The following AP3S1 variants were observed in gnomAD, a reference collection of about 807,000 sequenced individuals.
AP3S1 encodes AP-3 complex subunit sigma-1.
AP3S1 carries 12 observed loss-of-function variants against 21.3 expected under a neutral mutation model. The observed-to-expected ratio is 0.56, with a 90% CI of 0.36 to 0.91. The LOEUF (loss-of-function observed/expected upper bound fraction) is 0.91. Ranked by LOEUF, AP3S1 falls within the 40% of genes least tolerant of loss-of-function variation. The probability of loss-of-function intolerance (pLI) is 0.01; values close to 1 mark genes in which losing one functional copy is unlikely to be tolerated. For missense variants in AP3S1, 116 were observed against 225.0 expected (o/e 0.52, Z 3.10); for synonymous variants, 48 against 78.4 (o/e 0.61, Z 2.05).
chr5:115,907,038 T>C (rs1411599308), intron 5 of AP3S1: 1 of 951,584 alleles, frequency 1.1e-6, no homozygotes, highest in African/African-American at 1.8e-5. Flanking sequence ...TTATTGGACT[T>C]AGTGTATTTT....
In AP3S1 at chr5:115,866,628, C is replaced by T. The variant is rs745653660; in HGVS notation, c.70-42C>T. On this transcript the variant is annotated intron_variant, in intron 1 of 5. Transcript: ENST00000316788. ...AAAAATTCTTAAAATGCTATTAAAC[C>T]TATACACTCCATCCTAATATATATG... 1.5e-6 allele frequency: 2 copies of T among 1,378,400 alleles called. 1 individual carries two copies. The highest frequency in any genetic ancestry group is 2.8e-5 in the South Asian group (2 of 72,048). The allele number at this position is 1,378,400 out of a possible 1,614,324, so 85.4% of individuals were successfully genotyped here. A position where few individuals can be genotyped will look rare whatever the true frequency, so the allele number is the denominator to read the frequency against.
At chr5:115,875,421 A>G (rs1561496699) in intron 3 of AP3S1, among the ~76,000 whole-genome samples, 1 of 152,208 alleles carries the variant, frequency 6.6e-6, no homozygotes, top group Non-Finnish European at 1.5e-5. Context: ...GTTCTCATCT[A>G]TCATGATGGT....
intron 1 of AP3S1, among the ~76,000 whole-genome samples, chr5:115,842,992 A>AG (rs34509794): frequency 0.44 from 67,353 of 151,982 alleles, 15,545 homozygotes; most frequent in African/African-American, 0.57. Flanking sequence ...CTTCTCTTTT[A>AG]ACGTGTAAAT....
chr5:115,876,170 T>C (rs2112857018), intron 3 of AP3S1, among the ~76,000 whole-genome samples: 1 of 152,294 alleles, frequency 6.6e-6, no homozygotes, highest in South Asian at 2.1e-4. Context: ...GTTTTCTTTT[T>C]TGTAAGTGCT....
At chr5:115,902,010 A>G (rs1561524383) in intron 4 of AP3S1, among the ~76,000 whole-genome samples, 1 of 152,196 alleles carries the variant, frequency 6.6e-6, no homozygotes, top group South Asian at 2.1e-4. Flanking sequence ...TGGTAATCCT[A>G]TGAGGTGCCT....
At position 115,841,955 on chromosome 5, in the gene AP3S1, T is replaced by G; in HGVS notation, c.-83T>G. The G allele has an allele frequency of 9.8e-6, 15 of 1,530,948 alleles. No homozygotes were observed. The highest frequency in any genetic ancestry group is 1.2e-5 in the Non-Finnish European group (14 of 1,137,436). 94.8% of individuals were successfully genotyped at this position (1,530,948 alleles called of 1,614,324 possible). ...GCGGGAGGGGGCGGGTGGGGAAGGATCGCAGGCGAGATTACGAGGCGAGGC... is the reference window on the plus strand; with the variant it reads ...GCGGGAGGGGGCGGGTGGGGAAGGAGCGCAGGCGAGATTACGAGGCGAGGC... On this transcript the variant is annotated 5_prime_UTR_variant, in exon 1 of 6. Coordinates refer to ENST00000316788, the MANE Select transcript of AP3S1 (RefSeq NM_001284.4).
chr5:115,913,298 G>A, intron 5 of AP3S1, 64 bp from the exon 6 acceptor site: 5 of 1,508,818 alleles, frequency 3.3e-6, no homozygotes, highest in Non-Finnish European at 4.4e-6. Flanking sequence ...CATTGTAAGT[G>A]TTTTATGATG....
chr5:115,842,192 C>G, intron 1 of AP3S1, 86 bp downstream of exon 1: 1 of 1,472,990 alleles, frequency 6.8e-7, no homozygotes, highest in Non-Finnish European at 9.0e-7. Flanking sequence ...GAGCGACCCC[C>G]TCCGGCGCGC....
chr5:115,841,971 G>GAGATTACGAGGCAGGC lies in AP3S1; in HGVS notation c.-65_-64insATTACGAGGCAGGCAG. 7.2e-7 allele frequency: 1 copy of GAGATTACGAGGCAGGC among 1,394,396 alleles called. No homozygotes were observed. Among genetic ancestry groups the GAGATTACGAGGCAGGC allele is most frequent in the Non-Finnish European group, 9.4e-7 (1 of 1,064,922 alleles). The allele number at this position is 1,394,396 out of a possible 1,614,324, so 86.4% of individuals were successfully genotyped here. A position where few individuals can be genotyped will look rare whatever the true frequency, so the allele number is the denominator to read the frequency against. ...GGGGAAGGATCGCAGGCGAGATTAC[G>GAGATTACGAGGCAGGC]AGGCGAGGCTCGCGCGCCCGCCCCC... is the stretch of plus-strand genomic sequence containing the variant. On this transcript the variant is annotated 5_prime_UTR_variant, in exon 1 of 6. Coordinates refer to ENST00000316788, the MANE Select transcript of AP3S1 (RefSeq NM_001284.4).
intron 4 of AP3S1, among the ~76,000 whole-genome samples, chr5:115,897,233 A>G (rs1750826805): frequency 6.6e-6 from 1 of 152,218 alleles, no homozygotes; most frequent in Admixed American, 6.5e-5. Context: ...AGATGGGATC[A>G]TACAATATGT....
chr5:115,864,630 A>G (rs1440650370), intron 1 of AP3S1, among the ~76,000 whole-genome samples: 1 of 152,234 alleles, frequency 6.6e-6, no homozygotes, highest in Non-Finnish European at 1.5e-5. Flanking sequence ...CCGTGTCTAT[A>G]TGTTGAGCAT....
At chr5:115,898,032 C>G (rs2112556542) in intron 4 of AP3S1, among the ~76,000 whole-genome samples, 1 of 152,208 alleles carries the variant, frequency 6.6e-6, no homozygotes, top group Middle Eastern at 3.4e-3. Context: ...GAAATGTTAG[C>G]CACTTAAAAC....
At chr5:115,886,107 CT>C (rs1328417992) in intron 3 of AP3S1, among the ~76,000 whole-genome samples, 2 of 152,050 alleles carry the variant, frequency 1.3e-5, no homozygotes, top group African/African-American at 2.4e-5. Context: ...AGTGGTTAAC[CT>C]TTTGCTTTAG....
rs1275460466 is a variant in AP3S1 at position 115,847,763 on chromosome 5, T to A, written c.69+5657T>A. 3.0e-4 allele frequency among the ~76,000 whole-genome samples: 45 copies of A among 152,216 alleles called. 1 individual carries two copies. Among genetic ancestry groups the A allele is most frequent in the Admixed American group, 2.9e-3 (45 of 15,280 alleles). ...TAACTAACATGTCTATCACCACTATTCCCTCTTTATTAGCTTTTAATATAT... is the reference window on the plus strand; with the variant it reads ...TAACTAACATGTCTATCACCACTATACCCTCTTTATTAGCTTTTAATATAT... On this transcript the variant is annotated intron_variant, in intron 1 of 5. Coordinates refer to ENST00000316788, the MANE Select transcript of AP3S1 (RefSeq NM_001284.4).
rs772141781 is a variant in AP3S1 at position 115,877,717 on chromosome 5, G to C, written c.273+7589G>C. The stretch of plus-strand genomic sequence containing the variant: ...TCGTAATCCTTTGGGTATATACCCA[G>C]TAATGGGGTTGCTAGGTCAAATGGT... On this transcript the variant is annotated intron_variant, in intron 3 of 5. Transcript: ENST00000316788. Among the ~76,000 whole-genome samples the C allele has an allele frequency of 5.3e-5, 8 of 152,224 alleles. No homozygotes were observed. In the East Asian group the frequency reaches 1.5e-3, roughly 29 times the overall value.
intron 4 of AP3S1, among the ~76,000 whole-genome samples, chr5:115,902,166 T>G (rs1751273747): frequency 1.3e-5 from 2 of 152,174 alleles, no homozygotes; most frequent in Admixed American, 1.3e-4. Context: ...TACCACATTA[T>G]TTTAAAAAAA....
intron 4 of AP3S1, among the ~76,000 whole-genome samples, chr5:115,897,784 G>A (rs544198124): frequency 1.6e-4 from 24 of 151,906 alleles, no homozygotes; most frequent in African/African-American, 5.6e-4. Flanking sequence ...GGATGGTCTC[G>A]ATCTCCTGAC....
chr5:115,851,203 G>A (rs1762415448), intron 1 of AP3S1, among the ~76,000 whole-genome samples: 1 of 152,044 alleles, frequency 6.6e-6, no homozygotes, highest in African/African-American at 2.4e-5. Flanking sequence ...TTTCTTTCTT[G>A]ATGCCGTATT....
In AP3S1 at chr5:115,870,354, T is replaced by C. The variant is rs191401076; in HGVS notation, c.273+226T>C. 1.6e-3 allele frequency among the ~76,000 whole-genome samples: 249 copies of C among 152,332 alleles called. 1 individual carries two copies. Among genetic ancestry groups the C allele is most frequent in the South Asian group, 0.011 (51 of 4,834 alleles). ...ATCATGACATTTTATCTTGCTCATG[T>C]AAGTTACAGCAAGGAGCTTAAGACT... On this transcript the variant is annotated intron_variant, in intron 3 of 5. Transcript: ENST00000316788.
Sources: gnomAD v4.1 joint callset for allele counts (sites outside exome capture counted in the v4.1 genomes callset) on GRCh38, gnomAD v4.1.1 for gene constraint, MANE v1.5 for transcripts, NCBI Gene and HGNC (gene_info 2026-07-23, HGNC 2026-07-21) for gene names.